Variants in GPC6 observed in about 807,000 individuals in gnomAD.
GPC6 encodes the protein glypican 6.
In GPC6, 14 loss-of-function variants were observed where a neutral mutation model predicts 55.2. The observed-to-expected ratio is 0.25, with a 90% CI of 0.17 to 0.40. The LOEUF (loss-of-function observed/expected upper bound fraction) is 0.40. Among genes scored for constraint, GPC6 ranks in the 10% least tolerant of loss-of-function variants. The pLI is 1.00. For synonymous variants in GPC6, 278 were observed against 259.6 expected (o/e 1.07, Z -0.68); for missense variants, 641 against 708.5 (o/e 0.90, Z 1.08).
At chr13:94,307,711 G>C (rs183403522) in intron 6 of GPC6, among the ~76,000 whole-genome samples, 12 of 152,252 alleles carry the variant, frequency 7.9e-5, no homozygotes, top group African/African-American at 2.4e-4. Context: ...TAACTAGTCA[G>C]CTGTTTTAAA....
chr13:93,747,215 A>G (rs1227567511), intron 2 of GPC6, among the ~76,000 whole-genome samples: 1 of 152,172 alleles, frequency 6.6e-6, no homozygotes, highest in Admixed American at 6.6e-5. Context: ...GTTTACAGAA[A>G]AGAAATTGGT....
At chr13:93,787,678 G>A (rs1005127426) in intron 2 of GPC6, among the ~76,000 whole-genome samples, 2 of 152,050 alleles carry the variant, frequency 1.3e-5, no homozygotes, top group Admixed American at 6.6e-5. Context: ...CTTTTTGCTA[G>A]GAACAGTTGA....
chr13:93,485,341 A>C (rs550417321), intron 1 of GPC6, among the ~76,000 whole-genome samples: 1 of 152,316 alleles, frequency 6.6e-6, no homozygotes, highest in African/African-American at 2.4e-5. Context: ...CTTGAGGTTC[A>C]GTAGACCCAT....
intron 3 of GPC6, among the ~76,000 whole-genome samples, chr13:93,981,509 C>A (rs1238318029): frequency 6.6e-6 from 1 of 152,092 alleles, no homozygotes; most frequent in Non-Finnish European, 1.5e-5. Flanking sequence ...ATATTCAAAT[C>A]ATATCAGTGG....
At position 94,404,663 on chromosome 13, in the gene GPC6, G is replaced by A. The variant is rs1207391304; in HGVS notation, c.*1446G>A. The stretch of plus-strand genomic sequence containing the variant: ...AACTCATGGGATGAGCCATTGGTGT[G>A]CAGGGCTTTACCGGTGATGGAAACT... On this transcript the variant is annotated 3_prime_UTR_variant, in exon 9 of 9. Coordinates refer to ENST00000377047, the MANE Select transcript of GPC6 (RefSeq NM_005708.5). 2 of 152,220 alleles carry A rather than the reference G, an allele frequency of 1.3e-5. No individual in the cohort carries two copies. Among genetic ancestry groups the A allele is most frequent in the African/African-American group, 4.8e-5 (2 of 41,454 alleles). The allele number at this position is 152,220 out of a possible 1,614,324, so 9.4% of individuals were successfully genotyped here.
At chr13:93,824,584 C>A (rs1209933270) in intron 2 of GPC6, among the ~76,000 whole-genome samples, 1 of 151,954 alleles carries the variant, frequency 6.6e-6, no homozygotes, top group East Asian at 1.9e-4. Context: ...ATATTGATAG[C>A]CAACTTTTTT....
chr13:93,817,557 T>TA (rs1023501021), intron 2 of GPC6, among the ~76,000 whole-genome samples: 118 of 152,282 alleles, frequency 7.7e-4, no homozygotes, highest in African/African-American at 2.8e-3. Flanking sequence ...ACTTATATTT[T>TA]AAAAAATATA....
chr13:93,676,102 C>A (rs1881579201), intron 2 of GPC6, among the ~76,000 whole-genome samples: 2 of 31,554 alleles, frequency 6.3e-5, no homozygotes, highest in Admixed American at 5.0e-4. Flanking sequence ...AAAACTGTTT[C>A]TACTAAAAAA....
chr13:94,041,640 G>C (rs995881376), intron 4 of GPC6, among the ~76,000 whole-genome samples: 2 of 151,800 alleles, frequency 1.3e-5, no homozygotes, highest in African/African-American at 4.8e-5. Context: ...CACTTAAAAT[G>C]AAACTTTTAG....
intron 4 of GPC6, among the ~76,000 whole-genome samples, chr13:94,086,969 T>C (rs1885306104): frequency 6.6e-6 from 1 of 152,168 alleles, no homozygotes; most frequent in African/African-American, 2.4e-5. Context: ...GCCACTTTAG[T>C]TTTTTCAGGA....
Position 94,264,626 on chromosome 13 carries a change from C to G in GPC6, c.878-21723C>G, listed in dbSNP as rs148824768. Among the ~76,000 whole-genome samples, 671 of 152,278 alleles carry G rather than the reference C, an allele frequency of 4.4e-3. 8 individuals are homozygous for G. Among genetic ancestry groups the G allele is most frequent in the African/African-American group, 0.015 (637 of 41,550 alleles). On this transcript the variant is annotated intron_variant, in intron 4 of 8. Transcript: ENST00000377047. ...TACAAAAGGCAAGTATAGAGATAAT[C>G]AAGTATTGTGGAAGCTGAGAGGAAG...
intron 3 of GPC6, among the ~76,000 whole-genome samples, chr13:93,897,936 A>G (rs746933627): frequency 6.6e-6 from 1 of 152,192 alleles, no homozygotes; most frequent in South Asian, 2.1e-4. Flanking sequence ...GCTTTCAGTC[A>G]TATCATCTAA....
intron 4 of GPC6, among the ~76,000 whole-genome samples, chr13:94,038,247 A>G (rs1225314266): frequency 6.6e-6 from 1 of 151,926 alleles, no homozygotes; most frequent in Non-Finnish European, 1.5e-5. Context: ...ACTGTATTGG[A>G]CAGGCAGGCT....
intron 4 of GPC6, among the ~76,000 whole-genome samples, chr13:94,054,959 T>TA (rs1216841773): frequency 7.0e-6 from 1 of 142,498 alleles, no homozygotes; most frequent in Non-Finnish European, 1.5e-5. Context: ...CATCCACACC[T>TA]AAAAAAATCC....
chr13:94,391,880 G>C (rs763844537), intron 7 of GPC6, among the ~76,000 whole-genome samples: 4 of 152,066 alleles, frequency 2.6e-5, no homozygotes, highest in Non-Finnish European at 5.9e-5. Context: ...CCTCATATAA[G>C]TGGAATCATA....
intron 3 of GPC6, among the ~76,000 whole-genome samples, chr13:93,914,737 G>A (rs1877200586): frequency 6.6e-6 from 1 of 152,106 alleles, no homozygotes; most frequent in African/African-American, 2.4e-5. Context: ...AAATAAATGG[G>A]ATGTAAATGA....
In GPC6 at chr13:93,957,277, A is replaced by G. The variant is rs561728027; in HGVS notation, c.712-70452A>G. 3.9e-5 allele frequency among the ~76,000 whole-genome samples: 6 copies of G among 152,200 alleles called. No individual in the cohort carries two copies. The South Asian group carries it at 1.2e-3, about 32-fold the overall frequency. ...TTTTTAATTTCCAGTTATATTTTAG[A>G]TATAGGGGGTACACGTACAGGCTTG... On this transcript the variant is annotated intron_variant, in intron 3 of 8. Coordinates refer to ENST00000377047, the MANE Select transcript of GPC6 (RefSeq NM_005708.5).
intron 4 of GPC6, among the ~76,000 whole-genome samples, chr13:94,057,385 A>G (rs1884166482): frequency 1.3e-5 from 2 of 152,312 alleles, no homozygotes; most frequent in South Asian, 4.1e-4. Context: ...ATAATTATCC[A>G]ATGTTCATTG....
chr13:93,315,902 G>A (rs921225435), intron 1 of GPC6, among the ~76,000 whole-genome samples: 1 of 151,880 alleles, frequency 6.6e-6, no homozygotes, highest in African/African-American at 2.4e-5. Flanking sequence ...TGGACAAAGA[G>A]TCTGTTTTCT....
Sources: allele counts gnomAD v4.1 joint callset (sites outside exome capture counted in the v4.1 genomes callset), GRCh38; gene constraint gnomAD v4.1.1; transcripts MANE v1.5; gene names NCBI Gene and HGNC (gene_info 2026-07-23, HGNC 2026-07-21).